TMEM229B: variants seen among roughly 807,000 people sequenced by gnomAD.
TMEM229B encodes the protein transmembrane protein 229B.
In TMEM229B, 6 loss-of-function variants were observed where a neutral mutation model predicts 13.7. The observed-to-expected ratio is 0.44, with a 90% confidence interval of 0.24 to 0.86. The LOEUF is 0.86. TMEM229B is among the 40% of genes least tolerant of loss of function. The probability of loss-of-function intolerance (pLI) is 0.23; values close to 1 mark genes in which losing one functional copy is unlikely to be tolerated. For missense variants in TMEM229B, 170 were observed against 236.0 expected (o/e 0.72, Z 1.83); for synonymous variants, 107 against 102.1 (o/e 1.05, Z -0.29).
chr14:67,485,198 C>T (rs984538952), intron 2 of TMEM229B, among the ~76,000 whole-genome samples: 1 of 152,188 alleles, frequency 6.6e-6, no homozygotes, highest in African/African-American at 2.4e-5. Context: ...GCATAAATTG[C>T]TCTGGGGAGA....
Position 67,471,082 on chromosome 14 carries a change from C to A in TMEM229B, c.*2338G>T, listed in dbSNP as rs1306527884. 1 of 152,260 alleles carries A rather than the reference C, an allele frequency of 6.6e-6. No individual in the cohort carries two copies. The highest frequency in any genetic ancestry group is 6.5e-5 in the Admixed American group (1 of 15,276). The allele number at this position is 152,260 out of a possible 1,614,324, so 9.4% of individuals were successfully genotyped here. ...AGGTTTGATGCCTTATGAGGGGCAA[C>A]TGGAGAAATGGGACACCTAGATGGA... On this transcript the variant is annotated 3_prime_UTR_variant, in exon 3 of 3. Transcript: ENST00000554480.
chr14:67,488,680 C>T lies in TMEM229B; in HGVS notation c.-364G>A, dbSNP rs1477216543. On this transcript the variant is annotated 5_prime_UTR_variant, in exon 1 of 3. Coordinates refer to ENST00000554480, the MANE Select transcript of TMEM229B (RefSeq NM_001348543.2). ...AATCCCACCTGTGGAGACTTCTCCC[C>T]ACCCTAGGCCCTCAGCCACATCCAC... is the stretch of plus-strand genomic sequence containing the variant. 1 of 152,444 alleles carries T rather than the reference C, an allele frequency of 6.6e-6. No homozygotes were observed. The highest frequency in any genetic ancestry group is 1.5e-5 in the Non-Finnish European group (1 of 68,162). 9.4% of individuals were successfully genotyped at this position (152,444 alleles called of 1,614,324 possible). A position where few individuals can be genotyped will look rare whatever the true frequency, so the allele number is the denominator to read the frequency against.
At chr14:67,500,735 C>A (rs572135830) in intron 1 of TMEM229B, among the ~76,000 whole-genome samples, 1 of 151,716 alleles carries the variant, frequency 6.6e-6, no homozygotes, top group South Asian at 2.1e-4. Context: ...CCACGCCCGG[C>A]TAATTTTTTG....
chr14:67,501,567 C>T (rs1159046800), intron 1 of TMEM229B, among the ~76,000 whole-genome samples: 1 of 152,074 alleles, frequency 6.6e-6, no homozygotes, highest in Non-Finnish European at 1.5e-5. Context: ...GTTGGTAAGC[C>T]ATGGCCACAG....
chr14:67,518,918 T>C (rs555647334), upstream of TMEM229B, among the ~76,000 whole-genome samples: 26 of 152,214 alleles, frequency 1.7e-4, no homozygotes, highest in African/African-American at 5.1e-4. Context: ...GAAGATCACA[T>C]GAAGTCTGTT....
chr14:67,482,592 G>T (rs2031649025), intron 2 of TMEM229B, among the ~76,000 whole-genome samples: 1 of 152,230 alleles, frequency 6.6e-6, no homozygotes, highest in Non-Finnish European at 1.5e-5. Flanking sequence ...GACCCCTGAG[G>T]CAACGCAGCG....
At chr14:67,500,081 C>T (rs890739787) in intron 1 of TMEM229B, among the ~76,000 whole-genome samples, 4 of 152,086 alleles carry the variant, frequency 2.6e-5, no homozygotes, top group African/African-American at 4.8e-5. Context: ...GCCCGTAGTC[C>T]CAGCTACTCA....
chr14:67,523,130 C>G (rs2033314707), intron 1 of TMEM229B, among the ~76,000 whole-genome samples: 2 of 152,048 alleles, frequency 1.3e-5, no homozygotes, highest in Admixed American at 1.3e-4. Context: ...CAAGACCAGC[C>G]TGGCCAACAT....
intron 1 of TMEM229B, among the ~76,000 whole-genome samples, chr14:67,509,087 C>G (rs1164089497): frequency 6.6e-6 from 1 of 152,048 alleles, no homozygotes; most frequent in African/African-American, 2.4e-5. Flanking sequence ...CCCAAACAGA[C>G]CGTTAAGCAA....
At chr14:67,476,269 C>A (rs773430671) in intron 2 of TMEM229B, among the ~76,000 whole-genome samples, 2 of 152,162 alleles carry the variant, frequency 1.3e-5, no homozygotes, top group Non-Finnish European at 2.9e-5. Context: ...GCACTTCGTT[C>A]GCATTTTGTC....
chr14:67,492,841 T>C (rs929104595), upstream of TMEM229B, among the ~76,000 whole-genome samples: 1 of 152,214 alleles, frequency 6.6e-6, no homozygotes, highest in Admixed American at 6.5e-5. Context: ...TACTGTACCA[T>C]GTGTGAACAA....
chr14:67,490,088 G>A (rs187007848), upstream of TMEM229B, among the ~76,000 whole-genome samples: 315 of 152,356 alleles, frequency 2.1e-3, no homozygotes, highest in African/African-American at 7.2e-3. Flanking sequence ...GGACAGGCAA[G>A]GTGGAGAAGG....
chr14:67,519,492 T>C (rs146527163), upstream of TMEM229B, among the ~76,000 whole-genome samples: 917 of 152,350 alleles, frequency 6.0e-3, 6 homozygotes, highest in East Asian at 0.017. Context: ...AGTTGAGTCC[T>C]GCATTCACCT....
chr14:67,500,147 G>A lies in TMEM229B; in HGVS notation c.-191-12975C>T, dbSNP rs143747678. ...CCACTGCACTCCAGCCTGGGCAACA[G>A]AGTGAGACCCTGTCTCTTAAAATAA... On this transcript the variant is annotated intron_variant, in intron 1 of 2. Coordinates refer to the TMEM229B transcript ENST00000357461. Among the ~76,000 whole-genome samples the A allele has an allele frequency of 2.8e-4, 42 of 152,210 alleles. No homozygotes were observed. In the East Asian group the frequency reaches 6.0e-3, roughly 22 times the overall value.
chr14:67,501,275 A>G (rs1247403953), intron 1 of TMEM229B, among the ~76,000 whole-genome samples: 1 of 152,150 alleles, frequency 6.6e-6, no homozygotes, highest in African/African-American at 2.4e-5. Context: ...GGCTAGAACT[A>G]GGGTGAGACA....
intron 1 of TMEM229B, among the ~76,000 whole-genome samples, chr14:67,498,408 A>G (rs2032476975): frequency 6.6e-6 from 1 of 152,116 alleles, no homozygotes; most frequent in African/African-American, 2.4e-5. Flanking sequence ...CAAAGGGGAG[A>G]CTTTGCTTTG....
At chr14:67,475,806 C>T (rs950058797) in intron 2 of TMEM229B, among the ~76,000 whole-genome samples, 1 of 152,234 alleles carries the variant, frequency 6.6e-6, no homozygotes, top group African/African-American at 2.4e-5. Context: ...TCTCCTCACC[C>T]TCCACCAGCG....
chr14:67,517,109 G>A (rs2033216540), upstream of TMEM229B, among the ~76,000 whole-genome samples: 1 of 152,216 alleles, frequency 6.6e-6, no homozygotes, highest in Non-Finnish European at 1.5e-5. Context: ...GGCTGTCCTA[G>A]TACACTGTCA....
intron 1 of TMEM229B, among the ~76,000 whole-genome samples, chr14:67,527,195 C>T (rs2033381054): frequency 6.6e-6 from 1 of 152,186 alleles, no homozygotes; most frequent in Admixed American, 6.5e-5. Context: ...TCTTTAGAGT[C>T]AGGCAGGGCA....
Sources: gnomAD v4.1 joint callset for allele counts (sites outside exome capture counted in the v4.1 genomes callset) on GRCh38, gnomAD v4.1.1 for gene constraint, MANE v1.5 for transcripts, NCBI Gene and HGNC (gene_info 2026-07-23, HGNC 2026-07-21) for gene names.